The following CLMP variants were observed in gnomAD, a reference collection of about 807,000 sequenced individuals.
CLMP encodes the protein CXADR like cell adhesion molecule, also known as CXADR-like membrane protein.
Under a neutral mutation model 45.2 loss-of-function variants are expected in CLMP, and 27 were observed. That is an observed-to-expected ratio of 0.60 (90% confidence interval 0.44 to 0.82). CLMP has a LOEUF of 0.82. CLMP is among the 40% of genes least tolerant of loss of function. The pLI is 0.00. For missense variants in CLMP, 403 were observed against 448.4 expected (o/e 0.90, Z 0.91); for synonymous variants, 167 against 171.4 (o/e 0.97, Z 0.20).
At chr11:123,116,940 T>C (rs1484992297) in intron 1 of CLMP, among the ~76,000 whole-genome samples, 1 of 152,162 alleles carries the variant, frequency 6.6e-6, no homozygotes, top group Non-Finnish European at 1.5e-5. Context: ...TTATAGTTTA[T>C]ATTATTTATA....
chr11:123,185,052 C>G (rs868863832), intron 1 of CLMP, among the ~76,000 whole-genome samples: 1 of 152,066 alleles, frequency 6.6e-6, no homozygotes, highest in Admixed American at 6.5e-5. Context: ...GTAGATGAGG[C>G]GGCGGATGGG....
chr11:123,074,626 C>T, intron 6 of CLMP, 76 bp downstream of exon 6: 1 of 1,424,788 alleles, frequency 7.0e-7, no homozygotes, highest in Non-Finnish European at 9.7e-7. Context: ...AAACTGGGAA[C>T]ATTTATGTTG....
At chr11:123,190,038 A>G (rs1014891828) in intron 1 of CLMP, among the ~76,000 whole-genome samples, 3 of 151,516 alleles carry the variant, frequency 2.0e-5, no homozygotes, top group African/African-American at 7.3e-5. Flanking sequence ...GCTCCTGCTT[A>G]CAAATAGTTT....
At chr11:123,150,253 T>C (rs1861295138) in intron 1 of CLMP, among the ~76,000 whole-genome samples, 1 of 150,386 alleles carries the variant, frequency 6.6e-6, no homozygotes, top group African/African-American at 2.5e-5. Context: ...TAGAGGGCTG[T>C]GACAGGTGAG....
intron 1 of CLMP, among the ~76,000 whole-genome samples, chr11:123,183,699 T>C (rs757735857): frequency 6.6e-6 from 1 of 152,026 alleles, no homozygotes; most frequent in Non-Finnish European, 1.5e-5. Context: ...GTGAAACAAA[T>C]CTCAAATCTC....
Position 123,072,314 on chromosome 11 carries a change from T to C in CLMP, c.*1160A>G, listed in dbSNP as rs1448474537. The C allele has an allele frequency of 1.3e-5, 2 of 151,426 alleles. No homozygotes were observed. The highest frequency in any genetic ancestry group is 3.0e-5 in the Non-Finnish European group (2 of 67,796). The allele number at this position is 151,426 out of a possible 1,614,324, so 9.4% of individuals were successfully genotyped here. On this transcript the variant is annotated 3_prime_UTR_variant, in exon 7 of 7. Transcript: ENST00000448775. ...AACTTCCTTTTATCCTTCCTTGATT[T>C]TTTTTTTTTTTTGAGATGGAGTCTT... is the stretch of plus-strand genomic sequence containing the variant.
intron 1 of CLMP, among the ~76,000 whole-genome samples, chr11:123,186,288 A>T (rs1420462334): frequency 6.6e-6 from 1 of 152,230 alleles, no homozygotes; most frequent in Non-Finnish European, 1.5e-5. Context: ...TCAGTTAAAC[A>T]TTACTTAACA....
chr11:123,161,228 G>A (rs1179470329), intron 1 of CLMP, among the ~76,000 whole-genome samples: 2 of 152,160 alleles, frequency 1.3e-5, no homozygotes, highest in African/African-American at 4.8e-5. Flanking sequence ...CTAATCACAA[G>A]TTACTTATAA....
intron 1 of CLMP, among the ~76,000 whole-genome samples, chr11:123,190,348 A>G (rs1861893255): frequency 6.6e-6 from 1 of 152,226 alleles, no homozygotes; most frequent in African/African-American, 2.4e-5. Context: ...AAAATCAATA[A>G]GCAGGGTAAC....
At chr11:123,156,263 C>G (rs977265936) in intron 1 of CLMP, among the ~76,000 whole-genome samples, 1 of 152,312 alleles carries the variant, frequency 6.6e-6, no homozygotes, top group Non-Finnish European at 1.5e-5. Context: ...TTGTCAGCAC[C>G]TTGCTTATGA....
At chr11:123,132,401 C>T (rs529149237) in intron 1 of CLMP, among the ~76,000 whole-genome samples, 7 of 152,254 alleles carry the variant, frequency 4.6e-5, no homozygotes, top group African/African-American at 1.7e-4. Flanking sequence ...TTCCTCTGTG[C>T]TCTGAGGTGA....
At chr11:123,156,007 A>G (rs4935828) in intron 1 of CLMP, among the ~76,000 whole-genome samples, 40,089 of 151,986 alleles carry the variant, frequency 0.26, 5,503 homozygotes, top group South Asian at 0.35. Context: ...TGTCCCCCCA[A>G]AAATTCATAT....
intron 1 of CLMP, among the ~76,000 whole-genome samples, chr11:123,151,777 C>T (rs1861340134): frequency 6.6e-6 from 1 of 152,146 alleles, no homozygotes; most frequent in Non-Finnish European, 1.5e-5. Context: ...CTTCCAGGGG[C>T]CTTTTTGCTT....
At chr11:123,117,644 C>G (rs1207011839) in intron 1 of CLMP, among the ~76,000 whole-genome samples, 3 of 152,076 alleles carry the variant, frequency 2.0e-5, no homozygotes, top group Non-Finnish European at 4.4e-5. Context: ...CCAGGCTGGT[C>G]TCGAACTCCT....
intron 2 of CLMP, among the ~76,000 whole-genome samples, chr11:123,084,983 C>G (rs1865846271): frequency 6.6e-6 from 1 of 152,192 alleles, no homozygotes; most frequent in Non-Finnish European, 1.5e-5. Context: ...ACCACTCCAT[C>G]TTACAGGTAA....
At chr11:123,183,113 G>A (rs1191783625) in intron 1 of CLMP, among the ~76,000 whole-genome samples, 1 of 152,098 alleles carries the variant, frequency 6.6e-6, no homozygotes, top group African/African-American at 2.4e-5. Flanking sequence ...CCTTCCATGG[G>A]GATCTTGCTA....
At chr11:123,131,773 G>C (rs550086840) in intron 1 of CLMP, among the ~76,000 whole-genome samples, 1 of 151,814 alleles carries the variant, frequency 6.6e-6, no homozygotes, top group Non-Finnish European at 1.5e-5. Context: ...GCGCCACCAC[G>C]TCCGGCTAAT....
chr11:123,170,879 G>A (rs1861623821), intron 1 of CLMP, among the ~76,000 whole-genome samples: 2 of 152,176 alleles, frequency 1.3e-5, no homozygotes, highest in African/African-American at 2.4e-5. Context: ...TGTTCATCAC[G>A]GGGCGAGGAC....
At chr11:123,085,065 G>A (rs1865846937) in intron 2 of CLMP, among the ~76,000 whole-genome samples, 3 of 152,102 alleles carry the variant, frequency 2.0e-5, no homozygotes, top group Non-Finnish European at 4.4e-5. Context: ...CCATGCAAGT[G>A]TACAGCTATG....
Sources: gnomAD v4.1 joint callset for allele counts (sites outside exome capture counted in the v4.1 genomes callset) on GRCh38, gnomAD v4.1.1 for gene constraint, MANE v1.5 for transcripts, NCBI Gene and HGNC (gene_info 2026-07-23, HGNC 2026-07-21) for gene names.